The following PARM1 variants were observed in gnomAD, a reference collection of about 807,000 sequenced individuals.
PARM1 encodes the protein prostate androgen-regulated mucin-like protein 1, also known as WSC4, cell wall integrity and stress response component 4 homolog.
Under a neutral mutation model 24.6 loss-of-function variants are expected in PARM1, and 14 were observed. That is an observed-to-expected ratio of 0.57 (90% CI 0.38 to 0.89). The LOEUF is 0.89. PARM1 is among the 40% of genes least tolerant of loss of function. The pLI is 0.00. For synonymous variants in PARM1, 179 were observed against 156.6 expected (o/e 1.14, Z -1.07); for missense variants, 362 against 380.4 (o/e 0.95, Z 0.40).
At chr4:75,008,033 C>G (rs1560790242) in intron 1 of PARM1, among the ~76,000 whole-genome samples, 2 of 152,150 alleles carry the variant, frequency 1.3e-5, no homozygotes, top group Non-Finnish European at 2.9e-5. Flanking sequence ...TACAGCAGTC[C>G]TAGCCGACTA....
intron 1 of PARM1, among the ~76,000 whole-genome samples, chr4:74,944,053 G>A (rs1164136650): frequency 6.6e-6 from 1 of 152,214 alleles, no homozygotes; most frequent in African/African-American, 2.4e-5. Flanking sequence ...GGGGAAGGAA[G>A]CACTTGTCAT....
intron 1 of PARM1, among the ~76,000 whole-genome samples, chr4:75,001,586 A>G (rs764055714): frequency 6.6e-6 from 1 of 152,246 alleles, no homozygotes; most frequent in Non-Finnish European, 1.5e-5. Flanking sequence ...GTTTTGTACA[A>G]TTAAGACGTG....
At chr4:74,953,383 G>T (rs1721567645) in intron 1 of PARM1, among the ~76,000 whole-genome samples, 1 of 152,194 alleles carries the variant, frequency 6.6e-6, no homozygotes, top group Non-Finnish European at 1.5e-5. Context: ...CTCTGATGCT[G>T]CAAACAAAGC....
At chr4:74,977,888 A>G (rs1722169504) in intron 1 of PARM1, among the ~76,000 whole-genome samples, 2 of 152,232 alleles carry the variant, frequency 1.3e-5, no homozygotes, top group African/African-American at 4.8e-5. Flanking sequence ...TGAAGGAGAA[A>G]TAAAATCCTC....
chr4:74,969,411 T>C (rs544926870), intron 1 of PARM1: 1 of 152,334 alleles, frequency 6.6e-6, no homozygotes, highest in South Asian at 2.1e-4. Context: ...ATCACCCAAG[T>C]TGCAGACAAG....
chr4:74,945,475 A>G (rs1279504136), intron 1 of PARM1, among the ~76,000 whole-genome samples: 1 of 152,228 alleles, frequency 6.6e-6, no homozygotes, highest in Admixed American at 6.5e-5. Context: ...GAAGCAAATA[A>G]CCTCAACAAT....
intron 1 of PARM1, among the ~76,000 whole-genome samples, chr4:74,977,553 T>C (rs1019433135): frequency 3.3e-5 from 5 of 152,164 alleles, no homozygotes; most frequent in African/African-American, 1.2e-4. Flanking sequence ...CAGGATATCA[T>C]TCAGAAAAAC....
In PARM1 at chr4:75,047,216, C is replaced by T. The variant is rs577623192; in HGVS notation, c.*969C>T. ...GAGCCCAGAGACCGTTTGCTTTATA[C>T]CCACACAGCAACTGGTCCACTGCTT... On this transcript the variant is annotated 3_prime_UTR_variant, in exon 4 of 4. Coordinates refer to ENST00000307428, the MANE Select transcript of PARM1 (RefSeq NM_015393.4). The T allele has an allele frequency of 6.6e-6, 1 of 152,272 alleles. No homozygotes were observed. Among genetic ancestry groups the T allele is most frequent in the South Asian group, 2.1e-4 (1 of 4,818 alleles). The allele number at this position is 152,272 out of a possible 1,614,324, so 9.4% of individuals were successfully genotyped here.
At chr4:74,948,472 A>G (rs1721448179) in intron 1 of PARM1, among the ~76,000 whole-genome samples, 1 of 152,222 alleles carries the variant, frequency 6.6e-6, no homozygotes, top group Non-Finnish European at 1.5e-5. Flanking sequence ...GCTGAAAGTT[A>G]TTATCCATTA....
At chr4:75,015,137 G>A (rs535607395) in intron 2 of PARM1, among the ~76,000 whole-genome samples, 1 of 152,174 alleles carries the variant, frequency 6.6e-6, no homozygotes, top group South Asian at 2.1e-4. Context: ...TGATATTCCT[G>A]ACCACAAAAT....
intron 1 of PARM1, among the ~76,000 whole-genome samples, chr4:74,940,960 G>A (rs1282238469): frequency 6.6e-6 from 1 of 152,190 alleles, no homozygotes; most frequent in Non-Finnish European, 1.5e-5. Context: ...AACATGAGGT[G>A]ACCTCACTGC....
intron 1 of PARM1, among the ~76,000 whole-genome samples, chr4:74,961,753 A>C (rs1023275570): frequency 1.3e-5 from 2 of 152,208 alleles, no homozygotes; most frequent in African/African-American, 4.8e-5. Context: ...AAATTAAGAC[A>C]TTTCCTGAAA....
At chr4:74,962,036 A>G (rs1721785822) in intron 1 of PARM1, among the ~76,000 whole-genome samples, 1 of 152,170 alleles carries the variant, frequency 6.6e-6, no homozygotes, top group South Asian at 2.1e-4. Flanking sequence ...TCTTATTTTA[A>G]CTTTGGTTTT....
intron 1 of PARM1, among the ~76,000 whole-genome samples, chr4:74,973,673 T>G (rs1722085785): frequency 6.6e-6 from 1 of 152,078 alleles, no homozygotes; most frequent in Non-Finnish European, 1.5e-5. Flanking sequence ...TAAAGTTAAA[T>G]AGACCATTTT....
At chr4:74,993,427 G>A (rs1374456283) in intron 1 of PARM1, among the ~76,000 whole-genome samples, 1 of 152,138 alleles carries the variant, frequency 6.6e-6, no homozygotes, top group African/African-American at 2.4e-5. Context: ...AAGGCCCCAA[G>A]AGAGGATCCA....
At chr4:74,971,561 A>G (rs1381686315) in intron 1 of PARM1, among the ~76,000 whole-genome samples, 2 of 152,210 alleles carry the variant, frequency 1.3e-5, no homozygotes, top group African/African-American at 2.4e-5. Context: ...TTAAGACTAC[A>G]TAAAATAACA....
chr4:75,028,356 G>A (rs1723219713), intron 2 of PARM1, among the ~76,000 whole-genome samples: 1 of 152,168 alleles, frequency 6.6e-6, no homozygotes, highest in African/African-American at 2.4e-5. Flanking sequence ...CACATCCACA[G>A]ATACATGCTT....
At chr4:74,967,300 C>G (rs1721924233) in intron 1 of PARM1, 1 of 152,162 alleles carries the variant, frequency 6.6e-6, no homozygotes, top group Admixed American at 6.5e-5. Context: ...TTGGGTAATT[C>G]CTGGAGCAGT....
intron 2 of PARM1, among the ~76,000 whole-genome samples, chr4:75,020,792 C>T (rs1345838726): frequency 2.0e-5 from 3 of 152,248 alleles, no homozygotes; most frequent in Admixed American, 1.3e-4. Flanking sequence ...CTCACTTAGA[C>T]GCTACCTGGG....
Sources: gnomAD v4.1 joint callset for allele counts (sites outside exome capture counted in the v4.1 genomes callset) on GRCh38, gnomAD v4.1.1 for gene constraint, MANE v1.5 for transcripts, NCBI Gene and HGNC (gene_info 2026-07-23, HGNC 2026-07-21) for gene names.